The following METTL25 variants were observed in gnomAD, a reference collection of about 807,000 sequenced individuals.
METTL25 encodes methyltransferase like 25.
A neutral mutation model predicts 71.6 loss-of-function variants in METTL25; 64 were observed. The ratio of observed to expected loss-of-function variants is 0.89; its 90% CI spans 0.73 to 1.10. The LOEUF is 1.10. METTL25 is among the 50% of genes least tolerant of loss of function. The pLI, the probability that METTL25 is intolerant of heterozygous loss-of-function variation, is 0.00. For synonymous variants in METTL25, 287 were observed against 250.3 expected, an observed-to-expected ratio of 1.15 and a Z score of -1.38; for missense variants, 807 against 707.0, an observed-to-expected ratio of 1.14 and a Z score of -1.60.
At position 82,404,914 on chromosome 12, in the gene METTL25, A is replaced by G. The variant is rs376869762; in HGVS notation, c.1279+1784A>G. Among the ~76,000 whole-genome samples, 5 of 151,070 alleles carry G rather than the reference A, an allele frequency of 3.3e-5. No individual in the cohort carries two copies. In the East Asian group the frequency reaches 9.8e-4, roughly 30 times the overall value. On this transcript the variant is annotated intron_variant, in intron 5 of 11. Coordinates refer to ENST00000248306, the MANE Select transcript of METTL25 (RefSeq NM_032230.3). ...AGCCAAGATGGCGCCATTGCACTCCAGCATGGGCAACAAGAGCAAAACTCC... is the reference window on the plus strand; with the variant it reads ...AGCCAAGATGGCGCCATTGCACTCCGGCATGGGCAACAAGAGCAAAACTCC...
chr12:82,413,979 A>G (rs1887760453), intron 5 of METTL25, among the ~76,000 whole-genome samples: 1 of 151,390 alleles, frequency 6.6e-6, no homozygotes, highest in Non-Finnish European at 1.5e-5. Flanking sequence ...AAAAATTTAT[A>G]ACAAATGTAT....
intron 1 of METTL25, among the ~76,000 whole-genome samples, chr12:82,383,663 G>A (rs1884671409): frequency 6.6e-6 from 1 of 152,044 alleles, no homozygotes; most frequent in South Asian, 2.1e-4. Context: ...TTAAAGTGCT[G>A]TATAACATTC....
At chr12:82,384,072 A>G (rs1317421516) in intron 1 of METTL25, among the ~76,000 whole-genome samples, 1 of 152,194 alleles carries the variant, frequency 6.6e-6, no homozygotes, top group East Asian at 1.9e-4. Context: ...TAAAGCATGT[A>G]TAAAGCAGAA....
intron 4 of METTL25, among the ~76,000 whole-genome samples, chr12:82,400,435 AT>A (rs1047307721): frequency 6.6e-6 from 1 of 152,040 alleles, no homozygotes; most frequent in Admixed American, 6.6e-5. Context: ...TTGTTTTACC[AT>A]TTTTTAAATG....
At chr12:82,429,359 A>G (rs149584446) in intron 5 of METTL25, among the ~76,000 whole-genome samples, 88 of 134,688 alleles carry the variant, frequency 6.5e-4, no homozygotes, top group African/African-American at 2.4e-3. Flanking sequence ...TTCTACCCAT[A>G]TTGCTGCAAA....
At chr12:82,433,156 A>G (rs1044206614) in intron 6 of METTL25, among the ~76,000 whole-genome samples, 3 of 151,700 alleles carry the variant, frequency 2.0e-5, no homozygotes, top group African/African-American at 7.2e-5. Context: ...TATTATTTCT[A>G]TTTCTAAATT....
rs370165256 is a variant in METTL25 at position 82,476,689 on chromosome 12, C to T, written c.1618C>T (p.Arg540Ter). ...GAACTACTACGAGAAGTATAAGCCTCGAATGAATGAGCTGGAAGCTTTTAA... is the reference window on the plus strand; with the variant it reads ...GAACTACTACGAGAAGTATAAGCCTTGAATGAATGAGCTGGAAGCTTTTAA... ...IMNYYEKYKP[R>*]MNELEAFNML... The change falls in exon 10 of 12, where the codon CGA becomes TGA. Residue 540 changes from arginine to a stop codon, truncating the protein, a stop_gained. Transcript: ENST00000248306. LOFTEE classifies it high-confidence loss of function. 1.3e-5 allele frequency: 21 copies of T among 1,597,394 alleles called. No homozygotes were observed. The highest frequency in any genetic ancestry group is 2.3e-5 in the East Asian group (1 of 44,190).
intron 1 of METTL25, chr12:82,373,949 G>C (rs1295328923): frequency 6.5e-6 from 1 of 152,786 alleles, no homozygotes. Flanking sequence ...CAAGCGAAAG[G>C]GGTCTGATGG....
intron 5 of METTL25, among the ~76,000 whole-genome samples, chr12:82,411,930 A>G (rs952707515): frequency 2.0e-5 from 3 of 152,148 alleles, no homozygotes; most frequent in Admixed American, 6.6e-5. Flanking sequence ...TAACTTTACA[A>G]TTTAATAATT....
rs149027722 is a variant in METTL25, at chr12:82,475,507, GA to G, written c.1573-1127del. ...TTCAGAAGAAATTTAGTGCTATTGT[GA>G]AAAAAAAAAGGACTTTGAAAAAATA... On this transcript the variant is annotated intron_variant, in intron 9 of 11. Transcript: ENST00000248306. Among the ~76,000 whole-genome samples, 470 of 145,318 alleles carry G rather than the reference GA, an allele frequency of 3.2e-3. 6 individuals are homozygous for G. Among genetic ancestry groups the G allele is most frequent in the East Asian group, 0.017 (84 of 5,044 alleles).
intron 9 of METTL25, among the ~76,000 whole-genome samples, chr12:82,460,247 C>A (rs948581768): frequency 2.2e-4 from 33 of 152,214 alleles, no homozygotes; most frequent in Non-Finnish European, 4.3e-4. Flanking sequence ...CTGTAAAAAA[C>A]AAATTGAATA....
chr12:82,399,377 A>G lies in METTL25; in HGVS notation c.1114A>G (p.Ile372Val), dbSNP rs753996337. ...CACTGCTGATTCAGAACTCCATGAC[A>G]TTATTAAAGATTTGGAGGTGACTTT... ...FITADSELHD[I>V]IKDLEDCLMV... Residue 372 changes from isoleucine (I) to valine (V), a missense_variant, in exon 4 of 12, where the codon ATT (isoleucine) becomes GTT (valine). Transcript: ENST00000248306. 23 of 1,572,100 alleles carry G rather than the reference A, an allele frequency of 1.5e-5. No individual in the cohort carries two copies. Among genetic ancestry groups the G allele is most frequent in the East Asian group, 2.2e-5 (1 of 44,550 alleles).
intron 8 of METTL25, among the ~76,000 whole-genome samples, chr12:82,446,709 C>T (rs2731297): frequency 0.91 from 137,238 of 151,160 alleles, 62,920 homozygotes; most frequent in East Asian, 1. Context: ...CTCCGCTTCA[C>T]GGATTCAAGC....
chr12:82,423,291 A>G (rs1888689574), intron 5 of METTL25, among the ~76,000 whole-genome samples: 1 of 152,220 alleles, frequency 6.6e-6, no homozygotes, highest in East Asian at 1.9e-4. Context: ...ACAAATGGGG[A>G]AAGCAATCCC....
intron 1 of METTL25, among the ~76,000 whole-genome samples, chr12:82,367,023 A>G (rs1227224137): frequency 3.3e-5 from 5 of 152,212 alleles, no homozygotes; most frequent in Admixed American, 3.3e-4. Context: ...GAGATATAGA[A>G]AGTGTCTTCA....
At chr12:82,451,237 C>T in intron 8 of METTL25, 1 of 931,160 alleles carries the variant, frequency 1.1e-6, no homozygotes, top group Non-Finnish European at 1.3e-6. Context: ...ATGCAGTATC[C>T]TCCTCTTTAA....
At chr12:82,448,222 A>G (rs1890893400) in intron 8 of METTL25, among the ~76,000 whole-genome samples, 1 of 152,080 alleles carries the variant, frequency 6.6e-6, no homozygotes, top group African/African-American at 2.4e-5. Context: ...TCTTCCAGTA[A>G]TAATACTGTT....
At chr12:82,471,323 T>A (rs962791837) in intron 9 of METTL25, among the ~76,000 whole-genome samples, 1 of 152,234 alleles carries the variant, frequency 6.6e-6, no homozygotes, top group Non-Finnish European at 1.5e-5. Context: ...TAGCCCTGCC[T>A]CCTCATGTTT....
At chr12:82,475,812 G>A (rs1892847383) in intron 9 of METTL25, among the ~76,000 whole-genome samples, 2 of 152,174 alleles carry the variant, frequency 1.3e-5, no homozygotes, top group African/African-American at 2.4e-5. Flanking sequence ...GGACAGAAGT[G>A]TTTCAGATTT....
Sources: gnomAD v4.1 joint callset for allele counts (sites outside exome capture counted in the v4.1 genomes callset) on GRCh38, gnomAD v4.1.1 for gene constraint, MANE v1.5 for transcripts, NCBI Gene and HGNC (gene_info 2026-07-23, HGNC 2026-07-21) for gene names.